MRTFB: variants seen among roughly 807,000 people sequenced by gnomAD.
MRTFB encodes the protein myocardin-related transcription factor B.
A neutral mutation model predicts 104.2 loss-of-function variants in MRTFB; 29 were observed. The ratio of observed to expected loss-of-function variants is 0.28; its 90% CI spans 0.21 to 0.38. The LOEUF is 0.38. MRTFB is among the 10% of genes least tolerant of loss of function. The pLI is 1.00. For missense variants in MRTFB, 1,270 were observed against 1,341.6 expected (o/e 0.95, Z 0.83); for synonymous variants, 535 against 519.5 (o/e 1.03, Z -0.41).
chr16:14,003,493 C>T, the MRTFB span, among the ~76,000 whole-genome samples: 9 of 152,200 alleles, frequency 5.9e-5, no homozygotes, highest in African/African-American at 2.2e-4. Flanking sequence ...CTCCCAGAGC[C>T]ACAGCAGTGC....
At chr16:14,166,884 C>T (rs1377420324) in intron 3 of MRTFB, among the ~76,000 whole-genome samples, 1 of 152,074 alleles carries the variant, frequency 6.6e-6, no homozygotes, top group African/African-American at 2.4e-5. Flanking sequence ...TGTGTATGTA[C>T]CACATTTTCT....
the MRTFB span, among the ~76,000 whole-genome samples, chr16:14,007,187 C>A: frequency 2.6e-5 from 4 of 152,164 alleles, no homozygotes; most frequent in African/African-American, 9.7e-5. Flanking sequence ...AAAAGAAACA[C>A]GGCCACCTTC....
chr16:14,207,586 G>A (rs1390507996), intron 3 of MRTFB, among the ~76,000 whole-genome samples: 2 of 152,150 alleles, frequency 1.3e-5, no homozygotes, highest in African/African-American at 4.8e-5. Context: ...GAGATGACAG[G>A]TAGTTGAAGG....
chr16:14,172,496 T>C (rs886489951), intron 3 of MRTFB, among the ~76,000 whole-genome samples: 1 of 152,206 alleles, frequency 6.6e-6, no homozygotes, highest in African/African-American at 2.4e-5. Flanking sequence ...AGTAAATAAC[T>C]TTTGGCATTT....
chr16:14,240,412 T>A lies in MRTFB; in HGVS notation c.1007T>A (p.Phe336Tyr), dbSNP rs770373884. 6.2e-7 allele frequency: 1 copy of A among 1,614,200 alleles called. No homozygotes were observed. Among genetic ancestry groups the A allele is most frequent in the South Asian group, 1.1e-5 (1 of 91,082 alleles). Reference sequence around the variant, plus strand: ...CGCCTGCTCCAGCAGCAGCAGCTGTTCCTGCAACTGCAGATCCTGAGTCAG... The same window carrying A: ...CGCCTGCTCCAGCAGCAGCAGCTGTACCTGCAACTGCAGATCCTGAGTCAG... ...YARLLQQQQL[F>Y]LQLQILSQQK... Residue 336 changes from phenylalanine (F) to tyrosine (Y), a missense_variant, in exon 10 of 17, where the codon TTC becomes TAC. This residue lies in a region of MRTFB where 1,144 missense variants were observed against 1,131.5 expected (regional missense o/e 1.01). Transcript: ENST00000571589.
intron 7 of MRTFB, 101 bp downstream of exon 7, chr16:14,217,388 G>C: frequency 1.0e-6 from 1 of 957,806 alleles, no homozygotes; most frequent in South Asian, 2.7e-5. Flanking sequence ...CGTGAGTATT[G>C]TTTTCTGGGT....
chr16:14,015,388 T>C, the MRTFB span, among the ~76,000 whole-genome samples: 1 of 152,172 alleles, frequency 6.6e-6, no homozygotes. Flanking sequence ...TCCTACCTCC[T>C]CATCTCTTCC....
At chr16:14,028,400 C>T in the MRTFB span, among the ~76,000 whole-genome samples, 1 of 152,134 alleles carries the variant, frequency 6.6e-6, no homozygotes, top group Non-Finnish European at 1.5e-5. Context: ...GGGTTTCCTG[C>T]AGCAGGAAGA....
intron 2 of MRTFB, among the ~76,000 whole-genome samples, chr16:14,083,379 C>T (rs2034520141): frequency 6.6e-6 from 1 of 152,120 alleles, no homozygotes; most frequent in African/African-American, 2.4e-5. Context: ...AAGCCCAAGC[C>T]TGCTGTAGTT....
chr16:14,103,894 C>G (rs2035834887), intron 2 of MRTFB, among the ~76,000 whole-genome samples: 1 of 152,204 alleles, frequency 6.6e-6, no homozygotes, highest in Non-Finnish European at 1.5e-5. Context: ...AGAATTTAAG[C>G]TCTCTGCAGT....
chr16:14,175,530 C>T (rs1295942645), intron 3 of MRTFB, among the ~76,000 whole-genome samples: 1 of 152,106 alleles, frequency 6.6e-6, no homozygotes, highest in South Asian at 2.1e-4. Context: ...TTGGCTATTA[C>T]AAATAAGACT....
In MRTFB at chr16:14,239,685, G is replaced by A. The variant is rs139085151; in HGVS notation, c.832-552G>A. Among the ~76,000 whole-genome samples, 1,424 of 152,198 alleles carry A rather than the reference G, an allele frequency of 9.4e-3. 16 individuals carry two copies. The highest frequency in any genetic ancestry group is 0.061 in the Middle Eastern group (18 of 294). On this transcript the variant is annotated intron_variant, in intron 9 of 16. Coordinates refer to ENST00000571589, the MANE Select transcript of MRTFB (RefSeq NM_001308142.2). ...GAGGGATACATGGTCTCACATCCCA[G>A]TTTCAAAGGAAAAATGTAGTATTTG...
At position 14,252,503 on chromosome 16, in the gene MRTFB, G is replaced by T; in HGVS notation, c.2703+1G>T. On this transcript the variant is annotated splice_donor_variant, in intron 15 of 16. Coordinates refer to ENST00000571589, the MANE Select transcript of MRTFB (RefSeq NM_001308142.2). LOFTEE classifies it high-confidence loss of function. The stretch of plus-strand genomic sequence containing the variant: ...CAGCACACAGGCCCCTCTGCCAGAG[G>T]TAAGTGAGGGCACGGTCATGGTGCA... The T allele has an allele frequency of 6.2e-7, 1 of 1,614,022 alleles. No homozygotes were observed. Among genetic ancestry groups the T allele is most frequent in the Non-Finnish European group, 8.5e-7 (1 of 1,179,976 alleles).
At chr16:14,095,542 GCAATA>G (rs1458084511) in intron 2 of MRTFB, among the ~76,000 whole-genome samples, 7 of 152,302 alleles carry the variant, frequency 4.6e-5, no homozygotes, top group Admixed American at 3.3e-4. Flanking sequence ...AAAAGAAAGG[GCAATA>G]ATTGGCAGTG....
intron 2 of MRTFB, among the ~76,000 whole-genome samples, chr16:14,124,250 C>T (rs1426761720): frequency 6.6e-6 from 1 of 152,306 alleles, no homozygotes; most frequent in East Asian, 1.9e-4. Context: ...TTCGAATACC[C>T]TTTATTTCTT....
Position 14,252,006 on chromosome 16 carries a change from C to G in MRTFB, c.2548C>G (p.Pro850Ala). The G allele has an allele frequency of 1.9e-6, 3 of 1,614,116 alleles. No individual in the cohort carries two copies. Among genetic ancestry groups the G allele is most frequent in the Non-Finnish European group, 2.5e-6 (3 of 1,180,004 alleles). ...NAPLPSLQNG[P>A]NTPNKPSSPP... Reference sequence around the variant, plus strand: ...TCCGCTTCCATCCCTGCAAAATGGACCTAACACACCCAACAAGGTAACCCT... The same window carrying G: ...TCCGCTTCCATCCCTGCAAAATGGAGCTAACACACCCAACAAGGTAACCCT... The change falls in exon 14 of 17, where the codon CCT (proline) becomes GCT (alanine). Residue 850 changes from proline to alanine, a missense_variant. Coordinates refer to ENST00000571589, the MANE Select transcript of MRTFB (RefSeq NM_001308142.2).
chr16:14,254,978 C>T (rs1223992400), intron 15 of MRTFB, among the ~76,000 whole-genome samples: 1 of 151,960 alleles, frequency 6.6e-6, no homozygotes, highest in Non-Finnish European at 1.5e-5. Flanking sequence ...TGATTTTTAA[C>T]AACTAAATGG....
chr16:14,108,218 C>T (rs191172856), intron 2 of MRTFB, among the ~76,000 whole-genome samples: 1 of 152,284 alleles, frequency 6.6e-6, no homozygotes, highest in East Asian at 1.9e-4. Flanking sequence ...GGTTAAAGAA[C>T]ATTCAGGAAA....
At chr16:14,146,410 T>C (rs2038318367) in intron 3 of MRTFB, among the ~76,000 whole-genome samples, 1 of 152,252 alleles carries the variant, frequency 6.6e-6, no homozygotes. Context: ...TATAGTCCTA[T>C]CTTGAAATCT....
Sources: allele counts gnomAD v4.1 joint callset (sites outside exome capture counted in the v4.1 genomes callset), GRCh38; gene constraint gnomAD v4.1.1; regional missense constraint gnomAD v4.1.1; transcripts MANE v1.5; gene names NCBI Gene and HGNC (gene_info 2026-07-23, HGNC 2026-07-21).